Variants in TSPAN32 observed in about 807,000 individuals in gnomAD.
TSPAN32 encodes the protein tetraspanin-32.
TSPAN32 carries 47 observed loss-of-function variants against 42.7 expected under a neutral mutation model. That is an observed-to-expected ratio of 1.10 (90% CI 0.87 to 1.40). The LOEUF (loss-of-function observed/expected upper bound fraction) is 1.40. Among genes scored for constraint, TSPAN32 ranks in the 40% most tolerant of loss-of-function variants. The pLI, the probability that TSPAN32 is intolerant of heterozygous loss-of-function variation, is 0.00. For missense variants in TSPAN32, 469 were observed against 424.1 expected, an observed-to-expected ratio of 1.11 and a Z score of -0.93; for synonymous variants, 175 against 175.9, an observed-to-expected ratio of 0.99 and a Z score of 0.04.
At chr11:2,308,644 T>C (rs1278156011) in intron 3 of TSPAN32, 92 bp from the exon 4 acceptor site, 1 of 96,476 alleles carries the variant, frequency 1.0e-5, no homozygotes, top group African/African-American at 4.1e-4. Context: ...CCACAGTGAC[T>C]GGCCCGCCCA....
At chr11:2,306,914 G>A (rs1311036877) in intron 3 of TSPAN32, 1 of 126,848 alleles carries the variant, frequency 7.9e-6, no homozygotes, top group African/African-American at 3.1e-5. Context: ...GGGAGGACAA[G>A]GGAGGAGGAG....
intron 1 of TSPAN32, chr11:2,302,640 T>G: frequency 1.7e-6 from 1 of 592,850 alleles, no homozygotes; most frequent in Non-Finnish European, 3.0e-6. Context: ...GTCTACCATG[T>G]GGGGGTGCCT....
chr11:2,317,638 A>T lies in TSPAN32; in HGVS notation c.901+113A>T. 2.7e-6 allele frequency: 4 copies of T among 1,487,388 alleles called. No homozygotes were observed. In the South Asian group the frequency reaches 5.3e-5, roughly 20 times the overall value. The allele number at this position is 1,487,388 out of a possible 1,614,324, so 92.1% of individuals were successfully genotyped here. ...GAGAGCCAGGCTCCATTGGGAACAG[A>T]TGCAAGGGTAAGGGGTAGCTCACCA... On this transcript the variant is annotated intron_variant, in intron 9 of 9. Coordinates refer to ENST00000182290, the MANE Select transcript of TSPAN32 (RefSeq NM_139022.3). The surrounding 1 kb of genome is among the most constrained non-coding windows in gnomAD (Gnocchi z 6.2).
At position 2,314,120 on chromosome 11, in the gene TSPAN32, C is replaced by T. The variant is rs562501605; in HGVS notation, c.456+365C>T. 2.6e-3 allele frequency among the ~76,000 whole-genome samples: 388 copies of T among 148,424 alleles called. 1 individual carries two copies. The highest frequency in any genetic ancestry group is 9.0e-3 in the African/African-American group (361 of 40,072). On this transcript the variant is annotated intron_variant, in intron 5 of 9. Transcript: ENST00000182290. ...GGTGAATTGCTTGAGCCCAGGAGTT[C>T]GAGACCAGCCTGAGCAACATAGGGA...
chr11:2,315,353 G>A (rs1238925205), intron 6 of TSPAN32: 1 of 1,160,074 alleles, frequency 8.6e-7, no homozygotes, highest in South Asian at 1.7e-5. Context: ...AGAAGGGCTG[G>A]CGCTGAGGAT....
chr11:2,314,833 A>G (rs923229569), intron 6 of TSPAN32: 3 of 515,264 alleles, frequency 5.8e-6, no homozygotes, highest in African/African-American at 3.9e-5. Flanking sequence ...CGCAGGCCCC[A>G]TGCGCCATTC....
At chr11:2,311,316 C>T (rs892349447) in intron 4 of TSPAN32, among the ~76,000 whole-genome samples, 1 of 152,184 alleles carries the variant, frequency 6.6e-6, no homozygotes, top group Non-Finnish European at 1.5e-5. Context: ...CTGGGATGCT[C>T]ATGCGGGCAG....
intron 4 of TSPAN32, among the ~76,000 whole-genome samples, chr11:2,312,795 C>T (rs1848540289): frequency 6.6e-6 from 1 of 152,202 alleles, no homozygotes; most frequent in South Asian, 2.1e-4. Context: ...TGTGTCTTGA[C>T]TGTCAGCATG....
rs1564970777 is a variant in TSPAN32, at chr11:2,317,934, T to C, written c.*10T>C. ...GGGTCTCTCAGACTGACGTCAGGCC[T>C]TGGTGGGCTGCACTCTCACCTGGAG... On this transcript the variant is annotated 3_prime_UTR_variant, in exon 10 of 10. Coordinates refer to ENST00000182290, the MANE Select transcript of TSPAN32 (RefSeq NM_139022.3). This position sits in a 1 kb window ranked among gnomAD's most constrained non-coding sequence, Gnocchi z 6.2. The C allele has an allele frequency of 1.0e-6, 1 of 961,176 alleles. No homozygotes were observed. The highest frequency in any genetic ancestry group is 1.7e-6 in the Non-Finnish European group (1 of 584,874). 59.5% of individuals were successfully genotyped at this position (961,176 alleles called of 1,614,324 possible). A position where few individuals can be genotyped will look rare whatever the true frequency, so the allele number is the denominator to read the frequency against.
chr11:2,306,951 AGGAGGGAGAAGGAGGAGGAAAGAG>A (rs879345386), intron 3 of TSPAN32: 56,279 of 96,470 alleles, frequency 0.58, 15,423 homozygotes, highest in African/African-American at 0.64. Context: ...GAGGAGAAGG[AGGAGGGAGAAGGAGGAGGAAAGAG>A]AAAAGAGGAA....
In TSPAN32 at chr11:2,304,335, C is replaced by A; in HGVS notation, c.279+131C>A. The A allele has an allele frequency of 3.1e-6, 2 of 642,496 alleles. No individual in the cohort carries two copies. The highest frequency in any genetic ancestry group is 5.2e-6 in the Non-Finnish European group (2 of 383,344). The allele number at this position is 642,496 out of a possible 1,614,324, so 39.8% of individuals were successfully genotyped here. On this transcript the variant is annotated intron_variant, in intron 3 of 9. Transcript: ENST00000182290. The surrounding 1 kb of genome is among the most constrained non-coding windows in gnomAD (Gnocchi z 4.8). ...GAACCAGAGGCCCCAGGGATGCTGGCCAGCCGAGACCCCCACGTCAACCCC... is the reference window on the plus strand; with the variant it reads ...GAACCAGAGGCCCCAGGGATGCTGGACAGCCGAGACCCCCACGTCAACCCC...
intron 4 of TSPAN32, among the ~76,000 whole-genome samples, chr11:2,312,203 A>G (rs1417684460): frequency 6.6e-6 from 1 of 152,180 alleles, no homozygotes; most frequent in Admixed American, 6.5e-5. Context: ...GGCGCCTGAC[A>G]ATGGGAACAG....
intron 7 of TSPAN32, 37 bp from the exon 8 acceptor site, chr11:2,316,539 T>C: frequency 1.9e-6 from 3 of 1,605,120 alleles, no homozygotes; most frequent in Non-Finnish European, 2.6e-6. Context: ...GCCCGCACCC[T>C]GGGGCAGTGG....
intron 5 of TSPAN32, 36 bp from the exon 6 acceptor site, chr11:2,314,449 G>A (rs768034740): frequency 6.4e-7 from 1 of 1,562,186 alleles, no homozygotes; most frequent in Admixed American, 1.8e-5. Context: ...GGGGTCTCGG[G>A]AGCACATCAC....
rs2133292956 is a variant in TSPAN32, at chr11:2,304,472, C to T, written c.279+268C>T. Among the ~76,000 whole-genome samples, 1 of 152,170 alleles carries T rather than the reference C, an allele frequency of 6.6e-6. No homozygotes were observed. The highest frequency in any genetic ancestry group is 1.9e-4 in the East Asian group (1 of 5,160). ...AGGCCCTACCTCACCCTGTCATCTA[C>T]ACGCCCAACAAGGGTTCCTATAGGA... On this transcript the variant is annotated intron_variant, in intron 3 of 9. Coordinates refer to ENST00000182290, the MANE Select transcript of TSPAN32 (RefSeq NM_139022.3). This position sits in a 1 kb window ranked among gnomAD's most constrained non-coding sequence, Gnocchi z 4.8.
At chr11:2,305,998 A>G (rs1202519118) in intron 3 of TSPAN32, among the ~76,000 whole-genome samples, 4 of 145,934 alleles carry the variant, frequency 2.7e-5, no homozygotes, top group Non-Finnish European at 4.5e-5. Flanking sequence ...GTGTGTGTGC[A>G]TGTGCATGAG....
Position 2,306,355 on chromosome 11 carries a change from G to A in TSPAN32, c.279+2151G>A, listed in dbSNP as rs531538846. ...GGGCTGAGAGAGCAGAGCTGGCAGC[G>A]CCGCCCAAGGAAGCACATTCAATTC... On this transcript the variant is annotated intron_variant, in intron 3 of 9. Coordinates refer to ENST00000182290, the MANE Select transcript of TSPAN32 (RefSeq NM_139022.3). Among the ~76,000 whole-genome samples the A allele has an allele frequency of 5.9e-5, 9 of 152,158 alleles. No individual in the cohort carries two copies. In the South Asian group the frequency reaches 1.5e-3, roughly 25 times the overall value.
At chr11:2,309,203 A>G in intron 4 of TSPAN32, 1 of 393,300 alleles carries the variant, frequency 2.5e-6, no homozygotes, top group South Asian at 1.8e-5. Context: ...TGTTCCAGAA[A>G]ATGAGACCTG....
intron 4 of TSPAN32, chr11:2,309,520 C>A (rs955811317): frequency 1.6e-5 from 6 of 368,928 alleles, no homozygotes; most frequent in African/African-American, 1.3e-4. Context: ...GGTGAGAGCC[C>A]CCAGGGCAGC....
Sources: gnomAD v4.1 joint callset for allele counts (sites outside exome capture counted in the v4.1 genomes callset) on GRCh38, gnomAD v4.1.1 for gene constraint, Gnocchi (gnomAD v3.1) non-coding constraint, MANE v1.5 for transcripts, NCBI Gene and HGNC (gene_info 2026-07-23, HGNC 2026-07-21) for gene names.